ILF2: variants seen among roughly 807,000 people sequenced by gnomAD.
ILF2 encodes interleukin enhancer-binding factor 2.
A neutral mutation model predicts 55.3 loss-of-function variants in ILF2; 9 were observed. The ratio of observed to expected loss-of-function variants is 0.16; its 90% CI spans 0.10 to 0.28. The LOEUF is 0.28. Among genes scored for constraint, ILF2 ranks in the 10% least tolerant of loss-of-function variants. The pLI, the probability that ILF2 is intolerant of heterozygous loss-of-function variation, is 1.00. For synonymous variants in ILF2, 151 were observed against 161.8 expected (o/e 0.93, Z 0.50); for missense variants, 266 against 474.9 (o/e 0.56, Z 4.09).
At chr1:153,662,628 T>C (rs965412746) in intron 13 of ILF2, 72 bp from the exon 14 acceptor site, 2 of 1,568,860 alleles carry the variant, frequency 1.3e-6, no homozygotes, top group Non-Finnish European at 1.8e-6. Flanking sequence ...GTGGAAATAT[T>C]AAAGACATTT....
chr1:153,662,605 C>T (rs1474378948), intron 13 of ILF2, 49 bp from the exon 14 acceptor site: 2 of 1,578,878 alleles, frequency 1.3e-6, no homozygotes, highest in Admixed American at 1.7e-5. Context: ...GCATAAAAGT[C>T]ATTACTTACA....
intron 1 of ILF2, 120 bp from the exon 2 acceptor site, chr1:153,670,350 C>G (rs889526363): frequency 3.3e-6 from 3 of 895,628 alleles, no homozygotes; most frequent in Non-Finnish European, 5.4e-6. Context: ...CCCACTCACA[C>G]TTACACTTGT....
At chr1:153,669,233 CA>C (rs1003935422) in intron 3 of ILF2, among the ~76,000 whole-genome samples, 27 of 150,960 alleles carry the variant, frequency 1.8e-4, no homozygotes, top group African/African-American at 6.3e-4. Context: ...GAGACTGTCT[CA>C]AAAAAAATAA....
intron 6 of ILF2, 143 bp downstream of exon 6, chr1:153,667,412 A>G: frequency 1.5e-6 from 1 of 687,506 alleles, no homozygotes; most frequent in Non-Finnish European, 2.6e-6. Context: ...AGTGGAGGTC[A>G]AGGCTGCAGT....
Position 153,665,301 on chromosome 1 carries a change from T to C in ILF2, c.496A>G (p.Ile166Val), listed in dbSNP as rs1557952213. The C allele has an allele frequency of 1.2e-6, 2 of 1,613,696 alleles. No homozygotes were observed. Among genetic ancestry groups the C allele is most frequent in the Non-Finnish European group, 1.7e-6 (2 of 1,179,608 alleles). Residue 166 changes from isoleucine to valine, a missense_variant, in exon 8 of 14, where the codon ATC becomes GTC. Physicochemically the swap from Ile to Val is conservative, Grantham distance 29. Transcript: ENST00000361891. Reference protein sequence around the residue: ...TMLTNETGFEISSSDATVKIL... With the variant: ...TMLTNETGFEVSSSDATVKIL... The stretch of plus-strand genomic sequence containing the variant: ...TTCACTGTAGCATCAGAAGAACTGA[T>C]TTCAAAGCCAGTTTCGTTGGTCAGC...
chr1:153,667,749 C>T, intron 5 of ILF2, 92 bp from the exon 6 acceptor site: 1 of 876,868 alleles, frequency 1.1e-6, no homozygotes, highest in Non-Finnish European at 1.8e-6. Flanking sequence ...CTACCTGTTA[C>T]CCAAATTAAG....
chr1:153,664,793 G>C (rs113338519), intron 8 of ILF2, among the ~76,000 whole-genome samples: 37 of 152,232 alleles, frequency 2.4e-4, no homozygotes, highest in African/African-American at 7.9e-4. Context: ...CCTGACCTCA[G>C]GTGATCTGCC....
rs1669424619 is a variant in ILF2, at chr1:153,670,773, C to A, written c.5+145G>T. ...CCCGCCTCTACCGGCCTCCATCTCT[C>A]CCACTATCCTAGACCAGGAGTTCTC... is the stretch of plus-strand genomic sequence containing the variant. On this transcript the variant is annotated intron_variant, in intron 1 of 13. Coordinates refer to ENST00000361891, the MANE Select transcript of ILF2 (RefSeq NM_004515.4). The A allele has an allele frequency of 5.1e-6, 5 of 985,132 alleles. No homozygotes were observed. The African/African-American group carries it at 6.4e-5, about 13-fold the overall frequency. The allele number at this position is 985,132 out of a possible 1,614,324, so 61.0% of individuals were successfully genotyped here. A position where few individuals can be genotyped will look rare whatever the true frequency, so the allele number is the denominator to read the frequency against.
chr1:153,669,987 G>A, intron 2 of ILF2, 109 bp from the exon 3 acceptor site: 1 of 1,127,228 alleles, frequency 8.9e-7, no homozygotes, highest in Non-Finnish European at 1.4e-6. Context: ...GAGTGACAAA[G>A]TCTCCGGGGA....
chr1:153,667,823 A>G (rs887128301), intron 5 of ILF2, among the ~76,000 whole-genome samples, 166 bp from the exon 6 acceptor site: 4 of 152,254 alleles, frequency 2.6e-5, no homozygotes, highest in African/African-American at 4.8e-5. Context: ...CACAGCTAGC[A>G]TAACAATGAT....
intron 8 of ILF2, 73 bp downstream of exon 8, chr1:153,665,147 T>C (rs545162348): frequency 1.1e-6 from 1 of 898,996 alleles, no homozygotes; most frequent in Middle Eastern, 2.2e-4. Context: ...ACAAGCTAAG[T>C]AAACTAAACA....
chr1:153,663,324 G>T, intron 10 of ILF2, 48 bp from the exon 11 acceptor site: 2 of 1,538,052 alleles, frequency 1.3e-6, no homozygotes, highest in Non-Finnish European at 1.8e-6. Context: ...TGGCACTTCT[G>T]ATAACTAGAA....
chr1:153,662,745 A>C lies in ILF2; in HGVS notation c.972T>G (p.Gly324=). 1 of 1,614,230 alleles carries C rather than the reference A, an allele frequency of 6.2e-7. No individual in the cohort carries two copies. Among genetic ancestry groups the C allele is most frequent in the South Asian group, 1.1e-5 (1 of 91,088 alleles). ...AQTLVRILSH[G]GFRKILGQEG... ...CCTGGCCAAGGATCTTCCTAAAGCC[A>C]CCATGTGAGAGGATTCGGACGAGAG... Residue 324 remains glycine (G), a synonymous_variant, in exon 13 of 14, where the codon GGT becomes GGG. Transcript: ENST00000361891.
Position 153,668,602 on chromosome 1 carries a change from A to G in ILF2, c.109-45T>C, listed in dbSNP as rs146977114. The G allele has an allele frequency of 2.3e-5, 36 of 1,551,814 alleles. No homozygotes were observed. In the East Asian group the frequency reaches 7.8e-4, roughly 34 times the overall value. On this transcript the variant is annotated intron_variant, in intron 3 of 13. Coordinates refer to ENST00000361891, the MANE Select transcript of ILF2 (RefSeq NM_004515.4). Reference sequence around the variant, plus strand: ...CTACATTCTATTTGCCGAAGATAATATACAGGAGAGATTGTTTTTTCTATT... The same window carrying G: ...CTACATTCTATTTGCCGAAGATAATGTACAGGAGAGATTGTTTTTTCTATT...
chr1:153,663,249 T>A lies in ILF2; in HGVS notation c.772A>T (p.Thr258Ser). 2 of 1,614,184 alleles carry A rather than the reference T, an allele frequency of 1.2e-6. No homozygotes were observed. Among genetic ancestry groups the A allele is most frequent in the Non-Finnish European group, 1.7e-6 (2 of 1,180,026 alleles). ...ACGTTTAGGGCCAAAGGCTGTCTGG[T>A]GGGGTTGTTCATCACAGCATAATGG... Reference protein sequence around the residue: ...LGHYAVMNNPTRQPLALNVAY... With the variant: ...LGHYAVMNNPSRQPLALNVAY... The change falls in exon 11 of 14, where the codon ACC becomes TCC. Residue 258 changes from threonine to serine, a missense_variant. Thr to Ser is a moderately conservative substitution (Grantham distance 58). Transcript: ENST00000361891.
chr1:153,668,105 A>G (rs760613339), intron 4 of ILF2, 28 bp from the exon 5 acceptor site: 22 of 1,484,430 alleles, frequency 1.5e-5, no homozygotes, highest in Non-Finnish European at 1.9e-5. Context: ...ACAATACTTG[A>G]AAATGAAAAA....
rs375997145 is a variant in ILF2 at position 153,667,696 on chromosome 1, G to A, written c.292-39C>T. 2.5e-5 allele frequency: 35 copies of A among 1,424,638 alleles called. No homozygotes were observed. The African/African-American group carries it at 4.4e-4, about 18-fold the overall frequency. 88.2% of individuals were successfully genotyped at this position (1,424,638 alleles called of 1,614,324 possible). ...GATTTCGGGGAAAAACAATTTAGAA[G>A]AAAAAAAGGTGCCTAGGTCCTCCCA... On this transcript the variant is annotated intron_variant, in intron 5 of 13. Transcript: ENST00000361891.
chr1:153,668,414 C>T, intron 4 of ILF2, 39 bp downstream of exon 4: 1 of 1,612,700 alleles, frequency 6.2e-7, no homozygotes, highest in Non-Finnish European at 8.5e-7. Context: ...CTTTTAACTG[C>T]TTTAGAGACA....
rs771811601 is a variant in ILF2 at position 153,665,275 on chromosome 1, C to T, written c.522G>A (p.Lys174=). 1.9e-6 allele frequency: 3 copies of T among 1,613,894 alleles called. No individual in the cohort carries two copies. The highest frequency in any genetic ancestry group is 2.5e-6 in the Non-Finnish European group (3 of 1,179,778). ...TGGGTGGCACTGTTGTAATGAGAAT[C>T]TTCACTGTAGCATCAGAAGAACTGA... ...FEISSSDATV[K]ILITTVPPNL... is the part of the protein sequence containing the mutation. Residue 174 remains lysine, a synonymous_variant, in exon 8 of 14, where the codon AAG becomes AAA. Transcript: ENST00000361891.
Sources: allele counts gnomAD v4.1 joint callset (sites outside exome capture counted in the v4.1 genomes callset), GRCh38; gene constraint gnomAD v4.1.1; transcripts MANE v1.5; gene names NCBI Gene and HGNC (gene_info 2026-07-23, HGNC 2026-07-21).